The following ELMO1 variants were observed in gnomAD, a reference collection of about 807,000 sequenced individuals.
ELMO1 encodes the protein engulfment and cell motility 1, also known as engulfment and cell motility protein 1.
ELMO1 carries 26 observed loss-of-function variants against 98.9 expected under a neutral mutation model. The ratio of observed to expected loss-of-function variants is 0.26; its 90% confidence interval spans 0.19 to 0.36. ELMO1 has a LOEUF of 0.36. Ranked by LOEUF, ELMO1 falls within the 10% of genes least tolerant of loss-of-function variation. The probability of loss-of-function intolerance (pLI) is 1.00; values close to 1 mark genes in which losing one functional copy is unlikely to be tolerated. For missense variants in ELMO1, 627 were observed against 935.2 expected, an observed-to-expected ratio of 0.67 and a Z score of 4.30; for synonymous variants, 346 against 346.0, an observed-to-expected ratio of 1.00 and a Z score of 0.00.
chr7:37,206,421 T>A (rs1185853660), intron 13 of ELMO1, among the ~76,000 whole-genome samples: 1 of 152,234 alleles, frequency 6.6e-6, no homozygotes, highest in Non-Finnish European at 1.5e-5. Context: ...TCACAATGAC[T>A]GTTGAAGCCT....
At chr7:37,194,873 T>A (rs570551401) in intron 13 of ELMO1, among the ~76,000 whole-genome samples, 1 of 152,362 alleles carries the variant, frequency 6.6e-6, no homozygotes, top group African/African-American at 2.4e-5. Context: ...AACTTCTACC[T>A]ATAAGTAAAG....
chr7:37,137,147 T>C (rs1787317946), intron 13 of ELMO1, among the ~76,000 whole-genome samples: 1 of 152,120 alleles, frequency 6.6e-6, no homozygotes, highest in African/African-American at 2.4e-5. Flanking sequence ...AAACTAACTT[T>C]AAAGCAACAG....
At chr7:37,003,125 T>C (rs1443092368) in intron 16 of ELMO1, among the ~76,000 whole-genome samples, 1 of 151,996 alleles carries the variant, frequency 6.6e-6, no homozygotes, top group Non-Finnish European at 1.5e-5. Flanking sequence ...AACCAGAAAA[T>C]AAAGGGAAGA....
intron 13 of ELMO1, among the ~76,000 whole-genome samples, chr7:37,202,169 G>T (rs139335341): frequency 6.6e-6 from 1 of 152,086 alleles, no homozygotes; most frequent in Non-Finnish European, 1.5e-5. Flanking sequence ...TTTACTTTTA[G>T]GTTTATGGGT....
chr7:37,117,508 T>C (rs1377896266), intron 14 of ELMO1, among the ~76,000 whole-genome samples: 4 of 152,234 alleles, frequency 2.6e-5, no homozygotes, highest in Non-Finnish European at 5.9e-5. Flanking sequence ...GATCTCATCC[T>C]CATGCTTGAA....
At chr7:37,096,903 C>T (rs1226681237) in intron 14 of ELMO1, among the ~76,000 whole-genome samples, 176 bp from the exon 15 acceptor site, 1 of 152,048 alleles carries the variant, frequency 6.6e-6, no homozygotes, top group South Asian at 2.1e-4. Flanking sequence ...TCTCATTTAT[C>T]CCCCCCAAAT....
intron 13 of ELMO1, among the ~76,000 whole-genome samples, chr7:37,142,642 A>G (rs1169755169): frequency 1.3e-5 from 2 of 152,242 alleles, no homozygotes; most frequent in African/African-American, 4.8e-5. Context: ...ACATAGACTG[A>G]GAAAACTGTA....
chr7:37,428,399 A>AC (rs1562685932), intron 1 of ELMO1, among the ~76,000 whole-genome samples: 3 of 152,208 alleles, frequency 2.0e-5, no homozygotes, highest in African/African-American at 7.2e-5. Context: ...GCTGCTTGGC[A>AC]GTCTTGACTA....
At chr7:37,448,506 A>G (rs1583786260) in intron 1 of ELMO1, among the ~76,000 whole-genome samples, 169 bp downstream of exon 1, 1 of 147,580 alleles carries the variant, frequency 6.8e-6, no homozygotes, top group South Asian at 2.3e-4. Context: ...CGCGGCGGCC[A>G]CCCCCGCCCG....
At chr7:36,979,022 A>G (rs1229702803) in intron 16 of ELMO1, among the ~76,000 whole-genome samples, 2 of 152,218 alleles carry the variant, frequency 1.3e-5, no homozygotes, top group South Asian at 2.1e-4. Flanking sequence ...AAGGGGCAAC[A>G]TGGCGAAACC....
Position 37,155,499 on chromosome 7 carries a change from A to ATAAT in ELMO1, c.1087-22266_1087-22265insATTA, listed in dbSNP as rs1554427429. On this transcript the variant is annotated intron_variant, in intron 13 of 21. Transcript: ENST00000310758. ...AGCAAACGGAAAGCAAAAAAAAAAAAAAAAAAAAAGCAGGTGTTGCAATCC... is the reference window on the plus strand; with the variant it reads ...AGCAAACGGAAAGCAAAAAAAAAAAATAATAAAAAAAAAGCAGGTGTTGCAATCC... Among the ~76,000 whole-genome samples, 15 of 131,864 alleles carry ATAAT rather than the reference A, an allele frequency of 1.1e-4. No homozygotes were observed. In the East Asian group the frequency reaches 2.2e-3, roughly 20 times the overall value. The allele number at this position is 131,864 out of a possible 152,430, so 86.5% of individuals were successfully genotyped here.
chr7:37,043,890 C>T (rs1464281714), intron 15 of ELMO1, among the ~76,000 whole-genome samples: 4 of 152,102 alleles, frequency 2.6e-5, no homozygotes, highest in African/African-American at 9.7e-5. Flanking sequence ...ATCAAGAACT[C>T]GGGGGTCCTC....
chr7:37,425,488 A>T (rs1437302498), intron 1 of ELMO1, among the ~76,000 whole-genome samples: 1 of 152,174 alleles, frequency 6.6e-6, no homozygotes, highest in Non-Finnish European at 1.5e-5. Context: ...GTGTCTCCTT[A>T]TATCTGTGTC....
chr7:37,204,841 G>A (rs1792519138), intron 13 of ELMO1, among the ~76,000 whole-genome samples: 1 of 151,916 alleles, frequency 6.6e-6, no homozygotes, highest in Non-Finnish European at 1.5e-5. Flanking sequence ...TAGACACAGA[G>A]TGCTGACTGG....
rs1488911701 is a variant in ELMO1, at chr7:36,855,876, G to A, written c.1984-125C>T. On this transcript the variant is annotated intron_variant, in intron 21 of 21. Transcript: ENST00000310758. This position sits in a 1 kb window ranked among gnomAD's most constrained non-coding sequence, Gnocchi z 4.2. ...GTGCGCTAAGGGCTCTGCCTACTTC[G>A]TCATTTCATATTTGGCGACATCTCA... 6 of 1,082,252 alleles carry A rather than the reference G, an allele frequency of 5.5e-6. No individual in the cohort carries two copies. Among genetic ancestry groups the A allele is most frequent in the South Asian group, 1.5e-5 (1 of 65,850 alleles). 67.0% of individuals were successfully genotyped at this position (1,082,252 alleles called of 1,614,324 possible).
chr7:37,208,083 C>A (rs1377352953), intron 13 of ELMO1, among the ~76,000 whole-genome samples: 1 of 152,216 alleles, frequency 6.6e-6, no homozygotes, highest in Non-Finnish European at 1.5e-5. Context: ...GGCGCAATGG[C>A]CACTTTTACC....
At chr7:37,185,668 T>A (rs1403833531) in intron 13 of ELMO1, among the ~76,000 whole-genome samples, 1 of 152,230 alleles carries the variant, frequency 6.6e-6, no homozygotes, top group East Asian at 1.9e-4. Context: ...CCAGAAAATT[T>A]GAAGTACTCT....
intron 7 of ELMO1, among the ~76,000 whole-genome samples, chr7:37,241,298 T>A (rs1794755503): frequency 6.6e-6 from 1 of 152,130 alleles, no homozygotes; most frequent in South Asian, 2.1e-4. Flanking sequence ...TCAAGTCTTA[T>A]CTTTCCTGAT....
chr7:37,393,832 G>A (rs957043249), intron 1 of ELMO1: 2 of 152,136 alleles, frequency 1.3e-5, no homozygotes, highest in African/African-American at 2.4e-5. Flanking sequence ...CTACTCCAAG[G>A]AGAGGCTGAA....
Sources: allele counts gnomAD v4.1 joint callset (sites outside exome capture counted in the v4.1 genomes callset), GRCh38; gene constraint gnomAD v4.1.1; non-coding constraint Gnocchi (gnomAD v3.1); transcripts MANE v1.5; gene names NCBI Gene and HGNC (gene_info 2026-07-23, HGNC 2026-07-21).